The following GPR158 variants were observed in gnomAD, a reference collection of about 807,000 sequenced individuals.
GPR158 encodes the protein G protein-coupled receptor 158.
Under a neutral mutation model 78.2 loss-of-function variants are expected in GPR158, and 30 were observed. That is an observed-to-expected ratio of 0.38 (90% CI 0.29 to 0.52). The LOEUF (loss-of-function observed/expected upper bound fraction) is 0.52, where lower values mean the gene tolerates loss of function less well. Among genes scored for constraint, GPR158 ranks in the 20% least tolerant of loss-of-function variants. GPR158 has a pLI of 0.83. For missense variants in GPR158, 1,463 were observed against 1,523.5 expected, an observed-to-expected ratio of 0.96 and a Z score of 0.66; for synonymous variants, 581 against 591.1, an observed-to-expected ratio of 0.98 and a Z score of 0.25.
intron 5 of GPR158, among the ~76,000 whole-genome samples, chr10:25,540,965 T>C (rs61849374): frequency 0.24 from 28,716 of 120,536 alleles, 3,504 homozygotes; most frequent in Non-Finnish European, 0.3. Flanking sequence ...TATATATATA[T>C]ATATATATAT....
intron 2 of GPR158, among the ~76,000 whole-genome samples, chr10:25,291,962 G>A (rs1174810184): frequency 6.6e-6 from 1 of 152,066 alleles, no homozygotes; most frequent in Non-Finnish European, 1.5e-5. Flanking sequence ...AAATACTGGG[G>A]AAACTTACTG....
chr10:25,427,129 G>A (rs112581609), intron 4 of GPR158, among the ~76,000 whole-genome samples: 2 of 151,928 alleles, frequency 1.3e-5, no homozygotes, highest in Non-Finnish European at 2.9e-5. Flanking sequence ...GCAGAATTCT[G>A]TCAAGAGTAA....
At chr10:25,224,267 T>C (rs1452800172) in intron 2 of GPR158, among the ~76,000 whole-genome samples, 1 of 152,010 alleles carries the variant, frequency 6.6e-6, no homozygotes, top group Non-Finnish European at 1.5e-5. Context: ...TTGTTTGAAG[T>C]GTAAAAAAAC....
In GPR158 at chr10:25,289,853, T is replaced by A. The variant is rs192886347; in HGVS notation, c.1008+68696T>A. 2.6e-5 allele frequency among the ~76,000 whole-genome samples: 4 copies of A among 152,358 alleles called. No homozygotes were observed. In the East Asian group the frequency reaches 5.8e-4, roughly 22 times the overall value. Reference sequence around the variant, plus strand: ...ATGATTTGAATTTTGAAAACCATCATGTTACAGTTATAGATAATAACCTTA... The same window carrying A: ...ATGATTTGAATTTTGAAAACCATCAAGTTACAGTTATAGATAATAACCTTA... On this transcript the variant is annotated intron_variant, in intron 2 of 10. Transcript: ENST00000376351.
At chr10:25,478,603 A>G (rs909959537) in intron 5 of GPR158, among the ~76,000 whole-genome samples, 5 of 152,022 alleles carry the variant, frequency 3.3e-5, no homozygotes, top group African/African-American at 9.7e-5. Context: ...TGTGATCTTT[A>G]TCAGTTTAAC....
chr10:25,424,143 C>A (rs1834788685), intron 4 of GPR158, among the ~76,000 whole-genome samples: 1 of 152,182 alleles, frequency 6.6e-6, no homozygotes, highest in Non-Finnish European at 1.5e-5. Flanking sequence ...TGATGATGAG[C>A]ATTTTTTCAT....
At chr10:25,444,218 G>C (rs1307867685) in intron 4 of GPR158, among the ~76,000 whole-genome samples, 1 of 151,808 alleles carries the variant, frequency 6.6e-6, no homozygotes, top group African/African-American at 2.4e-5. Flanking sequence ...ATACTTCAGA[G>C]AGCAGGAATA....
intron 2 of GPR158, among the ~76,000 whole-genome samples, chr10:25,331,603 A>G (rs2807246): frequency 6.6e-6 from 1 of 152,202 alleles, no homozygotes; most frequent in Non-Finnish European, 1.5e-5. Flanking sequence ...TGTGTAAGGA[A>G]TAACTTAACC....
At chr10:25,367,406 A>G (rs1855739506) in intron 2 of GPR158, among the ~76,000 whole-genome samples, 1 of 151,688 alleles carries the variant, frequency 6.6e-6, no homozygotes, top group Non-Finnish European at 1.5e-5. Flanking sequence ...AAAAGTTTCG[A>G]TAACTTATAC....
At chr10:25,400,276 A>T (rs1223973848) in intron 3 of GPR158, among the ~76,000 whole-genome samples, 5 of 152,232 alleles carry the variant, frequency 3.3e-5, no homozygotes, top group Non-Finnish European at 7.3e-5. Flanking sequence ...AATTGTAAAT[A>T]TAGCAAAAGA....
intron 2 of GPR158, among the ~76,000 whole-genome samples, chr10:25,371,835 C>G (rs569949203): frequency 1.9e-4 from 25 of 131,588 alleles, no homozygotes; most frequent in African/African-American, 7.0e-4. Context: ...GCAATGGCAA[C>G]AAAAGCCAAA....
At chr10:25,370,104 T>C (rs1351566011) in intron 2 of GPR158, among the ~76,000 whole-genome samples, 1 of 139,862 alleles carries the variant, frequency 7.1e-6, no homozygotes, top group African/African-American at 2.5e-5. Flanking sequence ...TTTGTTGATC[T>C]TTTCAAAAAA....
chr10:25,315,144 G>A (rs916998655), intron 2 of GPR158, among the ~76,000 whole-genome samples: 9 of 151,738 alleles, frequency 5.9e-5, no homozygotes, highest in Non-Finnish European at 1.3e-4. Flanking sequence ...TCCATAATTT[G>A]AAGCTTAATT....
At chr10:25,296,069 A>C (rs922647868) in intron 2 of GPR158, among the ~76,000 whole-genome samples, 2 of 151,066 alleles carry the variant, frequency 1.3e-5, no homozygotes, top group African/African-American at 4.9e-5. Context: ...AAAAAAAAAA[A>C]CCTAAGCAAG....
At chr10:25,414,003 G>A (rs1448418792) in intron 4 of GPR158, among the ~76,000 whole-genome samples, 1 of 152,166 alleles carries the variant, frequency 6.6e-6, no homozygotes, top group African/African-American at 2.4e-5. Flanking sequence ...TAAAAAGCCT[G>A]TCAGTGGCAT....
chr10:25,488,644 T>C (rs557257858), intron 5 of GPR158, among the ~76,000 whole-genome samples: 73 of 152,246 alleles, frequency 4.8e-4, no homozygotes, highest in African/African-American at 1.7e-3. Context: ...TTATTAATTA[T>C]AATCTTTATA....
intron 2 of GPR158, among the ~76,000 whole-genome samples, chr10:25,312,039 A>T (rs1166073370): frequency 2.0e-5 from 3 of 152,036 alleles, no homozygotes; most frequent in African/African-American, 7.2e-5. Flanking sequence ...TATGAAAATT[A>T]TCTGGCCTTA....
chr10:25,598,001 C>T lies in GPR158; in HGVS notation c.2375C>T (p.Pro792Leu), dbSNP rs1305861409. ...GGCACTGCCCTCATCAGGAAGAACC[C>T]CCCAGAGTCTTCAGGGAACACAGGG... ...AKGTALIRKNPPESSGNTGKS... is the reference protein window; with the variant it reads ...AKGTALIRKNLPESSGNTGKS... Residue 792 changes from proline to leucine, a missense_variant, in exon 11 of 11, where the codon CCC (proline) becomes CTC (leucine). Transcript: ENST00000376351. 3 of 1,614,060 alleles carry T rather than the reference C, an allele frequency of 1.9e-6. No homozygotes were observed. The highest frequency in any genetic ancestry group is 3.3e-5 in the Admixed American group (2 of 60,026).
intron 2 of GPR158, among the ~76,000 whole-genome samples, chr10:25,277,428 C>T (rs1165513539): frequency 2.0e-5 from 3 of 149,592 alleles, no homozygotes; most frequent in African/African-American, 7.6e-5. Flanking sequence ...ATAGAATAAA[C>T]ACAATTTCAG....
Sources: allele counts gnomAD v4.1 joint callset (sites outside exome capture counted in the v4.1 genomes callset), GRCh38; gene constraint gnomAD v4.1.1; transcripts MANE v1.5; gene names NCBI Gene and HGNC (gene_info 2026-07-23, HGNC 2026-07-21).